MRPS27: variants seen among roughly 807,000 people sequenced by gnomAD.
MRPS27 encodes the protein small ribosomal subunit protein mS27.
In MRPS27, 43 loss-of-function variants were observed where a neutral mutation model predicts 48.9. The ratio of observed to expected loss-of-function variants is 0.88; its 90% CI spans 0.69 to 1.13. The LOEUF (loss-of-function observed/expected upper bound fraction) is 1.13. MRPS27 is among the 50% of genes most tolerant of loss of function. The pLI, the probability that MRPS27 is intolerant of heterozygous loss-of-function variation, is 0.00. For missense variants in MRPS27, 467 were observed against 476.3 expected (o/e 0.98, Z 0.18); for synonymous variants, 188 against 171.9 (o/e 1.09, Z -0.73).
chr5:72,302,910 C>T (rs1022922716), intron 2 of MRPS27, among the ~76,000 whole-genome samples: 2 of 152,272 alleles, frequency 1.3e-5, no homozygotes, highest in East Asian at 1.9e-4. Context: ...AGTAAACAAC[C>T]GGGACACTTG....
chr5:72,284,239 C>T (rs969608339), intron 4 of MRPS27, among the ~76,000 whole-genome samples: 3 of 149,144 alleles, frequency 2.0e-5, no homozygotes, highest in African/African-American at 7.4e-5. Context: ...ATTGTGAGAC[C>T]CCATCTCTAA....
intron 4 of MRPS27, among the ~76,000 whole-genome samples, chr5:72,288,327 C>T (rs1486100999): frequency 2.0e-5 from 3 of 152,054 alleles, no homozygotes; most frequent in Non-Finnish European, 4.4e-5. Flanking sequence ...CCCGCCTTAG[C>T]CTCCCATGTA....
intron 4 of MRPS27, among the ~76,000 whole-genome samples, chr5:72,259,468 CAAA>C (rs11286212): frequency 6.3e-5 from 8 of 127,804 alleles, no homozygotes; most frequent in Non-Finnish European, 8.3e-5. Flanking sequence ...AACTTCGTCT[CAAA>C]AAAAAAAAAA....
chr5:72,266,817 C>G (rs995301248), intron 4 of MRPS27, among the ~76,000 whole-genome samples: 2 of 151,884 alleles, frequency 1.3e-5, no homozygotes, highest in East Asian at 1.9e-4. Context: ...CAGAGATCGC[C>G]CCACTGCACT....
At chr5:72,308,529 C>G (rs564923593) in intron 2 of MRPS27, among the ~76,000 whole-genome samples, 37 of 152,290 alleles carry the variant, frequency 2.4e-4, no homozygotes, top group African/African-American at 8.7e-4. Flanking sequence ...ACCCGACAGC[C>G]CCGCGCCCAC....
At chr5:72,307,349 A>G (rs563248483) in intron 2 of MRPS27, among the ~76,000 whole-genome samples, 18 of 152,250 alleles carry the variant, frequency 1.2e-4, no homozygotes, top group African/African-American at 4.3e-4. Context: ...CAAGGCTCTA[A>G]GAAAATAAAA....
rs1460132722 is a variant in MRPS27, at chr5:72,219,552, A to G, written c.*1357T>C. 7 of 152,234 alleles carry G rather than the reference A, an allele frequency of 4.6e-5. No individual in the cohort carries two copies. Among genetic ancestry groups the G allele is most frequent in the Admixed American group, 3.3e-4 (5 of 15,286 alleles). 9.4% of individuals were successfully genotyped at this position (152,234 alleles called of 1,614,324 possible). ...ATGATCCCGGAACATTTATTTCCAGAGGCTTTTGATAGAAGAGCACAATCT... is the reference window on the plus strand; with the variant it reads ...ATGATCCCGGAACATTTATTTCCAGGGGCTTTTGATAGAAGAGCACAATCT... On this transcript the variant is annotated 3_prime_UTR_variant, in exon 11 of 11. Transcript: ENST00000261413.
At chr5:72,241,626 G>A (rs1017618983) in intron 4 of MRPS27, 18 of 1,533,222 alleles carry the variant, frequency 1.2e-5, no homozygotes, top group Non-Finnish European at 1.5e-5. Context: ...AGGTGAGTGA[G>A]TCTCTGGAAT....
At chr5:72,308,562 C>T (rs1419548567) in intron 2 of MRPS27, among the ~76,000 whole-genome samples, 1 of 152,216 alleles carries the variant, frequency 6.6e-6, no homozygotes, top group Non-Finnish European at 1.5e-5. Flanking sequence ...ACCCGCGGGG[C>T]GGCGGATTCC....
rs1480853576 is a variant in MRPS27 at position 72,320,145 on chromosome 5, C to A, written c.73+4G>T. On this transcript the variant is annotated splice_donor_region_variant and intron_variant, in intron 1 of 10. Coordinates refer to ENST00000261413, the MANE Select transcript of MRPS27 (RefSeq NM_015084.3). Reference sequence around the variant, plus strand: ...CAGGGGCCTAATGAAGCTGTCCGGCCAACCTGCAGGAGAGAGCTGAGGAAG... The same window carrying A: ...CAGGGGCCTAATGAAGCTGTCCGGCAAACCTGCAGGAGAGAGCTGAGGAAG... 6.2e-7 allele frequency: 1 copy of A among 1,613,768 alleles called. No individual in the cohort carries two copies. The highest frequency in any genetic ancestry group is 8.5e-7 in the Non-Finnish European group (1 of 1,179,796).
chr5:72,271,120 A>T (rs1749229727), intron 4 of MRPS27, among the ~76,000 whole-genome samples: 1 of 152,216 alleles, frequency 6.6e-6, no homozygotes, highest in African/African-American at 2.4e-5. Context: ...TCAACATTGT[A>T]TTGGAAGTCC....
At chr5:72,237,323 T>G (rs1025315808) in intron 5 of MRPS27, among the ~76,000 whole-genome samples, 1 of 152,104 alleles carries the variant, frequency 6.6e-6, no homozygotes, top group South Asian at 2.1e-4. Context: ...GTATATAATA[T>G]ATATTAAGTT....
chr5:72,226,860 G>A (rs1747914550), intron 8 of MRPS27, among the ~76,000 whole-genome samples: 1 of 152,118 alleles, frequency 6.6e-6, no homozygotes, highest in African/African-American at 2.4e-5. Context: ...TAGACAGCAG[G>A]GTCTTCTGGT....
intron 4 of MRPS27, among the ~76,000 whole-genome samples, chr5:72,264,540 A>C (rs1238264611): frequency 6.6e-6 from 1 of 152,246 alleles, no homozygotes. Context: ...AGATGTAATC[A>C]AGTTAAGATG....
At chr5:72,310,252 C>G (rs1360427226) in intron 2 of MRPS27, among the ~76,000 whole-genome samples, 3 of 152,088 alleles carry the variant, frequency 2.0e-5, no homozygotes, top group Admixed American at 1.3e-4. Context: ...AAAAGGACAC[C>G]TAGCACCTAG....
At chr5:72,244,154 AC>A (rs1458223014) in intron 4 of MRPS27, among the ~76,000 whole-genome samples, 3 of 151,978 alleles carry the variant, frequency 2.0e-5, no homozygotes, top group Non-Finnish European at 4.4e-5. Flanking sequence ...TTTGAGCCCT[AC>A]ATATAGTCAT....
chr5:72,307,024 T>C (rs1054178466), intron 2 of MRPS27, among the ~76,000 whole-genome samples: 2 of 152,118 alleles, frequency 1.3e-5, no homozygotes, highest in Non-Finnish European at 2.9e-5. Flanking sequence ...TGAATCCTGA[T>C]TCAACCAAAT....
chr5:72,261,469 C>T (rs1361999866), intron 4 of MRPS27, among the ~76,000 whole-genome samples: 1 of 150,754 alleles, frequency 6.6e-6, no homozygotes, highest in Admixed American at 6.6e-5. Context: ...AGGCTGATCT[C>T]GAGGAAACTG....
intron 2 of MRPS27, among the ~76,000 whole-genome samples, chr5:72,308,324 T>A (rs550618155): frequency 6.6e-6 from 1 of 152,210 alleles, no homozygotes; most frequent in Non-Finnish European, 1.5e-5. Flanking sequence ...CTCTGGCACA[T>A]GAAGCCCACA....
Sources: gnomAD v4.1 joint callset for allele counts (sites outside exome capture counted in the v4.1 genomes callset) on GRCh38, gnomAD v4.1.1 for gene constraint, MANE v1.5 for transcripts, NCBI Gene and HGNC (gene_info 2026-07-23, HGNC 2026-07-21) for gene names.